Variants in IGSF10 observed in about 807,000 individuals in gnomAD.
The protein encoded by IGSF10 is calvaria mechanical force protein 608.
IGSF10 carries 126 observed loss-of-function variants against 128.2 expected under a neutral mutation model. That is an observed-to-expected ratio of 0.98 (90% CI 0.85 to 1.14). The LOEUF is 1.14. IGSF10 is among the 50% of genes most tolerant of loss of function. IGSF10 has a pLI of 0.00. For synonymous variants in IGSF10, 1,185 were observed against 1,146.2 expected, an observed-to-expected ratio of 1.03 and a Z score of -0.68; for missense variants, 3,295 against 3,149.8, an observed-to-expected ratio of 1.05 and a Z score of -1.10.
chr3:151,440,214 G>C (rs1053082699), intron 7 of IGSF10, among the ~76,000 whole-genome samples: 11 of 152,056 alleles, frequency 7.2e-5, no homozygotes, highest in Admixed American at 4.6e-4. Flanking sequence ...ATTTTTTGTA[G>C]AGACAGGGTC....
the IGSF10 span, among the ~76,000 whole-genome samples, chr3:151,477,573 A>T: frequency 6.6e-6 from 1 of 152,242 alleles, no homozygotes; most frequent in Non-Finnish European, 1.5e-5. Context: ...TAAGCTATAG[A>T]CATGTATTAG....
the IGSF10 span, among the ~76,000 whole-genome samples, chr3:151,524,932 T>C: frequency 2.0e-5 from 3 of 151,908 alleles, no homozygotes; most frequent in Non-Finnish European, 2.9e-5. Context: ...GTATCAAATG[T>C]CTTTTCCAGC....
At chr3:151,434,929 G>A (rs74973313), downstream of IGSF10, 4 of 152,190 alleles carry the variant, frequency 2.6e-5, no homozygotes, top group East Asian at 3.9e-4. Flanking sequence ...GTTATGCTAC[G>A]ACTCTAATTA....
the IGSF10 span, among the ~76,000 whole-genome samples, chr3:151,468,010 A>G: frequency 6.6e-6 from 1 of 152,270 alleles, no homozygotes; most frequent in Non-Finnish European, 1.5e-5. Flanking sequence ...AACAAAAACA[A>G]AAGGATGAAC....
chr3:151,600,059 T>TA, the IGSF10 span, among the ~76,000 whole-genome samples: 1 of 152,236 alleles, frequency 6.6e-6, no homozygotes, highest in Middle Eastern at 3.2e-3. Context: ...TTCAGTTAAT[T>TA]GTAGTATCAT....
chr3:151,437,350 T>A lies in IGSF10; in HGVS notation c.7211A>T (p.Glu2404Val). The A allele has an allele frequency of 6.2e-7, 1 of 1,614,206 alleles. No homozygotes were observed. Among genetic ancestry groups the A allele is most frequent in the Non-Finnish European group, 8.5e-7 (1 of 1,180,036 alleles). ...TGCACAGCGATATTTTCCTGCATCC[T>A]CCCGAGTTGTTTTAGAAATGATAAA... ...GSFIISKTTR[E>V]DAGKYRCAAR... is the part of the protein sequence containing the mutation. Residue 2404 changes from glutamate to valine, a missense_variant, in exon 8 of 8, where the codon GAG becomes GTG. Coordinates refer to ENST00000282466, the MANE Select transcript of IGSF10 (RefSeq NM_178822.5).
intron 3 of IGSF10, among the ~76,000 whole-genome samples, chr3:151,458,074 G>A (rs1194114881): frequency 6.6e-6 from 1 of 151,414 alleles, no homozygotes; most frequent in East Asian, 1.9e-4. Flanking sequence ...AAATAAGTTT[G>A]TATGGAAAGA....
At chr3:151,598,070 GGT>G in the IGSF10 span, among the ~76,000 whole-genome samples, 4,292 of 137,616 alleles carry the variant, frequency 0.031, 79 homozygotes, top group East Asian at 0.054. Context: ...AATGAGTACT[GGT>G]GTGTGTGTGT....
Position 151,449,132 on chromosome 3 carries a change from G to T in IGSF10, c.849C>A (p.Thr283=). The T allele has an allele frequency of 6.2e-7, 1 of 1,614,186 alleles. No individual in the cohort carries two copies. The highest frequency in any genetic ancestry group is 8.5e-7 in the Non-Finnish European group (1 of 1,180,036). The change falls in exon 6 of 8, where the codon ACC becomes ACA. Residue 283 remains threonine (T), a synonymous_variant. Coordinates refer to ENST00000282466, the MANE Select transcript of IGSF10 (RefSeq NM_178822.5). ...TCTTTGATTTCAGGGATGAGTCAAT[G>T]GTTGGCTTGGCACACTGGAAAGCTG... ...SAAAFQCAKP[T]IDSSLKSKSL...
the IGSF10 span, among the ~76,000 whole-genome samples, chr3:151,511,040 T>G: frequency 2.0e-5 from 3 of 152,160 alleles, no homozygotes; most frequent in Non-Finnish European, 2.9e-5. Flanking sequence ...AAAACACTCT[T>G]CAGGATATTA....
chr3:151,497,903 A>G, the IGSF10 span, among the ~76,000 whole-genome samples: 1 of 152,142 alleles, frequency 6.6e-6, no homozygotes, highest in Non-Finnish European at 1.5e-5. Context: ...GTCCCTTTTA[A>G]GTTGGATTCC....
the IGSF10 span, among the ~76,000 whole-genome samples, chr3:151,486,596 C>A: frequency 1.3e-5 from 2 of 152,134 alleles, no homozygotes; most frequent in African/African-American, 4.8e-5. Context: ...TGCAAAAGAA[C>A]GGATATCATA....
chr3:151,467,942 C>T, the IGSF10 span, among the ~76,000 whole-genome samples: 1 of 151,456 alleles, frequency 6.6e-6, no homozygotes, highest in Admixed American at 6.6e-5. Context: ...AAACATTTTA[C>T]ATTCAATTTC....
chr3:151,476,131 TTC>T, the IGSF10 span: 2 of 152,160 alleles, frequency 1.3e-5, no homozygotes, highest in African/African-American at 4.8e-5. Flanking sequence ...TTCAAAATAA[TTC>T]TCTGTGATAT....
At chr3:151,579,787 T>G in the IGSF10 span, among the ~76,000 whole-genome samples, 1 of 143,430 alleles carries the variant, frequency 7.0e-6, no homozygotes. Context: ...TCCAAGAAGC[T>G]CAGAGCATTC....
the IGSF10 span, among the ~76,000 whole-genome samples, chr3:151,554,999 C>G: frequency 2.6e-5 from 4 of 152,038 alleles, no homozygotes; most frequent in African/African-American, 9.7e-5. Context: ...TATCCTGAAG[C>G]AGAATTCTGG....
chr3:151,512,848 A>G, the IGSF10 span, among the ~76,000 whole-genome samples: 3 of 152,224 alleles, frequency 2.0e-5, no homozygotes, highest in African/African-American at 7.2e-5. Context: ...CTATGCAAAT[A>G]AACTACAAAA....
chr3:151,454,567 G>T (rs1465550313), intron 4 of IGSF10, among the ~76,000 whole-genome samples: 1 of 124,964 alleles, frequency 8.0e-6, no homozygotes, highest in Non-Finnish European at 1.7e-5. Flanking sequence ...TTTTGTCCAT[G>T]GTTGAAAATT....
At chr3:151,546,912 A>C in the IGSF10 span, among the ~76,000 whole-genome samples, 2 of 152,098 alleles carry the variant, frequency 1.3e-5, no homozygotes, top group African/African-American at 4.8e-5. Context: ...CTGGTATTAC[A>C]GGCAACTGCC....
Sources: gnomAD v4.1 joint callset for allele counts (sites outside exome capture counted in the v4.1 genomes callset) on GRCh38, gnomAD v4.1.1 for gene constraint, MANE v1.5 for transcripts, NCBI Gene and HGNC (gene_info 2026-07-23, HGNC 2026-07-21) for gene names.